Variants in PDE10A observed in about 807,000 individuals in gnomAD.
PDE10A encodes the protein phosphodiesterase 10A.
PDE10A carries 39 observed loss-of-function variants against 97.7 expected under a neutral mutation model. That is an observed-to-expected ratio of 0.40 (90% confidence interval 0.31 to 0.52). The LOEUF is 0.52. Among genes scored for constraint, PDE10A ranks in the 20% least tolerant of loss-of-function variants. The probability of loss-of-function intolerance (pLI) is 0.56; values close to 1 mark genes in which losing one functional copy is unlikely to be tolerated. For synonymous variants in PDE10A, 371 were observed against 376.8 expected (o/e 0.98, Z 0.18); for missense variants, 731 against 1,047.8 (o/e 0.70, Z 4.17).
intron 1 of PDE10A, among the ~76,000 whole-genome samples, chr6:165,909,753 A>G (rs1782402031): frequency 6.6e-6 from 1 of 152,172 alleles, no homozygotes; most frequent in South Asian, 2.1e-4. Context: ...GCTCAGAGCC[A>G]AATGCCTTAG....
chr6:165,682,713 G>T (rs1791009684), intron 1 of PDE10A, among the ~76,000 whole-genome samples: 1 of 152,200 alleles, frequency 6.6e-6, no homozygotes. Context: ...AATGTCTGTT[G>T]TTTATAACTC....
chr6:165,641,037 CAT>C, intron 1 of PDE10A, among the ~76,000 whole-genome samples: 1 of 152,276 alleles, frequency 6.6e-6, no homozygotes, highest in South Asian at 2.1e-4. Context: ...AGCTCCTTCC[CAT>C]CTTCAAGGCA....
intron 1 of PDE10A, among the ~76,000 whole-genome samples, chr6:165,792,700 T>C (rs1778693424): frequency 6.6e-6 from 1 of 152,060 alleles, no homozygotes; most frequent in African/African-American, 2.4e-5. Flanking sequence ...TCCAGCCCAG[T>C]CCTCTCTTCA....
At chr6:165,633,794 A>ACT (rs1554298391) in intron 1 of PDE10A, among the ~76,000 whole-genome samples, 2 of 146,752 alleles carry the variant, frequency 1.4e-5, no homozygotes, top group African/African-American at 5.0e-5. Context: ...CGCCGGGCTA[A>ACT]TTTTTTTTTT....
At chr6:165,378,263 T>C (rs1463863085) in intron 18 of PDE10A, among the ~76,000 whole-genome samples, 3 of 152,194 alleles carry the variant, frequency 2.0e-5, no homozygotes, top group Non-Finnish European at 4.4e-5. Context: ...GGATCAGTAC[T>C]TAATGAATCA....
chr6:165,347,673 A>G (rs545709569), intron 18 of PDE10A, among the ~76,000 whole-genome samples: 46 of 152,298 alleles, frequency 3.0e-4, no homozygotes, highest in African/African-American at 7.9e-4. Context: ...AAATGGGAAC[A>G]TTAGTGATCT....
At chr6:165,977,732 G>T (rs1419855594) in intron 1 of PDE10A, among the ~76,000 whole-genome samples, 1 of 152,192 alleles carries the variant, frequency 6.6e-6, no homozygotes, top group East Asian at 1.9e-4. Context: ...ATAAAAAGTG[G>T]TCTGTAGGAT....
At chr6:165,761,151 GTTTCTC>G (rs1227132788) in intron 1 of PDE10A, among the ~76,000 whole-genome samples, 2 of 152,154 alleles carry the variant, frequency 1.3e-5, no homozygotes, top group Non-Finnish European at 2.9e-5. Context: ...GGGAGTCACT[GTTTCTC>G]TTTCCTTTTC....
At chr6:165,543,738 A>G (rs934312881) in intron 1 of PDE10A, among the ~76,000 whole-genome samples, 170 bp from the exon 2 acceptor site, 3 of 152,200 alleles carry the variant, frequency 2.0e-5, no homozygotes, top group Non-Finnish European at 4.4e-5. Context: ...CAGAGTTTCT[A>G]CTGGGAGTGA....
At chr6:165,335,685 G>A (rs1481460702) in intron 21 of PDE10A, among the ~76,000 whole-genome samples, 1 of 152,054 alleles carries the variant, frequency 6.6e-6, no homozygotes, top group Admixed American at 6.5e-5. Flanking sequence ...AAACCAAGCT[G>A]CCTTGCAAGA....
At chr6:165,333,182 T>C (rs1395308975) in intron 21 of PDE10A, 55 bp from the exon 22 acceptor site, 12 of 1,129,342 alleles carry the variant, frequency 1.1e-5, no homozygotes, top group Non-Finnish European at 8.1e-6. Flanking sequence ...TTCTGGACTT[T>C]GTCTTGAAAA....
At chr6:165,907,525 T>A (rs949210108) in intron 1 of PDE10A, among the ~76,000 whole-genome samples, 1 of 152,188 alleles carries the variant, frequency 6.6e-6, no homozygotes, top group Non-Finnish European at 1.5e-5. Flanking sequence ...AGCTCTGAGG[T>A]TTGGGCTGAG....
intron 1 of PDE10A, among the ~76,000 whole-genome samples, chr6:165,688,354 C>T (rs145031758): frequency 6.6e-6 from 1 of 152,138 alleles, no homozygotes; most frequent in Admixed American, 6.5e-5. Context: ...TTCACTTGAA[C>T]CTAATTTCAA....
intron 1 of PDE10A, among the ~76,000 whole-genome samples, chr6:165,847,693 G>C (rs765004348): frequency 7.9e-5 from 12 of 152,232 alleles, no homozygotes; most frequent in Non-Finnish European, 1.3e-4. Flanking sequence ...CTCCCATAGC[G>C]TAAGCCAGCA....
rs545290047 is a variant in PDE10A, at chr6:165,890,063, T to A, written c.-615+97466A>T. ...TCCTCCCTCACTCTTCACTCCTCCCTCCCTCACTCCTCACTCACTCCTCAC... is the reference window on the plus strand; with the variant it reads ...TCCTCCCTCACTCTTCACTCCTCCCACCCTCACTCCTCACTCACTCCTCAC... On this transcript the variant is annotated intron_variant, in intron 1 of 19. Coordinates refer to the PDE10A transcript ENST00000366882. Among the ~76,000 whole-genome samples, 10 of 128,548 alleles carry A rather than the reference T, an allele frequency of 7.8e-5. No individual in the cohort carries two copies. In the South Asian group the frequency reaches 2.7e-3, roughly 34 times the overall value. The allele number at this position is 128,548 out of a possible 152,430, so 84.3% of individuals were successfully genotyped here. A position where few individuals can be genotyped will look rare whatever the true frequency, so the allele number is the denominator to read the frequency against.
chr6:165,401,123 A>T (rs1004734352), intron 13 of PDE10A, among the ~76,000 whole-genome samples: 1 of 152,198 alleles, frequency 6.6e-6, no homozygotes, highest in Non-Finnish European at 1.5e-5. Flanking sequence ...GTATGTGTGT[A>T]TACTAAGTTG....
intron 1 of PDE10A, among the ~76,000 whole-genome samples, chr6:165,778,859 A>T (rs919745513): frequency 6.6e-6 from 1 of 152,132 alleles, no homozygotes; most frequent in Non-Finnish European, 1.5e-5. Flanking sequence ...AAAAATTTTT[A>T]AAATTAGATT....
chr6:165,777,312 C>T (rs1006374468), intron 1 of PDE10A, among the ~76,000 whole-genome samples: 1 of 152,160 alleles, frequency 6.6e-6, no homozygotes, highest in Non-Finnish European at 1.5e-5. Flanking sequence ...ACAAAGATCA[C>T]GGGAGCATCG....
chr6:165,933,381 C>G (rs967759605), intron 1 of PDE10A, among the ~76,000 whole-genome samples: 1 of 152,130 alleles, frequency 6.6e-6, no homozygotes, highest in Admixed American at 6.5e-5. Context: ...TAGCACACGT[C>G]CATTCATTAA....
Sources: gnomAD v4.1 joint callset for allele counts (sites outside exome capture counted in the v4.1 genomes callset) on GRCh38, gnomAD v4.1.1 for gene constraint, MANE v1.5 for transcripts, NCBI Gene and HGNC (gene_info 2026-07-23, HGNC 2026-07-21) for gene names.